Variants in RIC8A observed in about 807,000 individuals in gnomAD.
RIC8A encodes the protein chaperone Ric-8A.
A neutral mutation model predicts 48.4 loss-of-function variants in RIC8A; 37 were observed. The observed-to-expected ratio is 0.77, with a 90% CI of 0.59 to 1.01. The LOEUF (loss-of-function observed/expected upper bound fraction) is 1.01. RIC8A is among the 50% of genes least tolerant of loss of function. RIC8A has a pLI of 0.00. For missense variants in RIC8A, 681 were observed against 696.8 expected, an observed-to-expected ratio of 0.98 and a Z score of 0.25; for synonymous variants, 288 against 283.4, an observed-to-expected ratio of 1.02 and a Z score of -0.16.
Position 209,905 on chromosome 11 carries a change from A to G in RIC8A, c.631A>G (p.Thr211Ala), listed in dbSNP as rs1193655551. Residue 211 changes from threonine (T) to alanine (A), a missense_variant, in exon 3 of 10, where the codon ACG becomes GCG. By Grantham distance (58) the Thr-to-Ala change is moderately conservative. Transcript: ENST00000526104. ...GVTPEGNPPP[T>A]LLPSQETERA... ...GACTCCTGAAGGGAACCCCCCACCC[A>G]CGCTCCTTCCTTCCCAAGAGACTGA... The G allele has an allele frequency of 6.2e-7, 1 of 1,608,668 alleles. No individual in the cohort carries two copies. The highest frequency in any genetic ancestry group is 1.3e-5 in the African/African-American group (1 of 74,894).
intron 5 of RIC8A, chr11:212,190 A>G (rs1217168561): frequency 1.3e-5 from 7 of 554,988 alleles, no homozygotes; most frequent in African/African-American, 1.1e-4. Flanking sequence ...GCTTACGAGT[A>G]CCTCTGAGTT....
chr11:210,368 G>A, intron 3 of RIC8A: 1 of 707,890 alleles, frequency 1.4e-6, no homozygotes, highest in Non-Finnish European at 2.6e-6. Context: ...TACTCATGGA[G>A]TTTTTAGGAA....
Position 212,612 on chromosome 11 carries a change from C to T in RIC8A, c.1066-3C>T, listed in dbSNP as rs138523328. 1.9e-5 allele frequency: 30 copies of T among 1,613,952 alleles called. No individual in the cohort carries two copies. Among genetic ancestry groups the T allele is most frequent in the Non-Finnish European group, 2.5e-5 (29 of 1,179,944 alleles). ...CCAAGCTTAGGGATGGCCACCTCCC[C>T]AGGTGCTGCCCCCTCTGCGGGATGT... On this transcript the variant is annotated splice_region_variant and splice_polypyrimidine_tract_variant and intron_variant, in intron 6 of 9. Coordinates refer to ENST00000526104, the MANE Select transcript of RIC8A (RefSeq NM_001286134.2).
chr11:211,159 G>A lies in RIC8A; in HGVS notation c.819-40G>A. On this transcript the variant is annotated intron_variant, in intron 4 of 9. Coordinates refer to ENST00000526104, the MANE Select transcript of RIC8A (RefSeq NM_001286134.2). The surrounding 1 kb of genome is among the most constrained non-coding windows in gnomAD (Gnocchi z 4.0). ...CACAAAGATTGCACCTGTGCTCAGG[G>A]ATTAGCCCTGTTGAAACCCCTACCT... 6.3e-7 allele frequency: 1 copy of A among 1,590,662 alleles called. No homozygotes were observed. The highest frequency in any genetic ancestry group is 8.6e-7 in the Non-Finnish European group (1 of 1,167,214).
intron 9 of RIC8A, 174 bp downstream of exon 9, chr11:213,592 A>T (rs1349172259): frequency 1.3e-6 from 1 of 773,248 alleles, no homozygotes; most frequent in Non-Finnish European, 2.0e-6. Flanking sequence ...GGGGATGGGT[A>T]TATTGAGATC....
At chr11:209,060 G>C (rs1237013664) in intron 1 of RIC8A, 122 bp downstream of exon 1, 1 of 1,068,710 alleles carries the variant, frequency 9.4e-7, no homozygotes, top group Non-Finnish European at 1.4e-6. Context: ...GACGCGGCGG[G>C]GTGCGGGGGG....
intron 9 of RIC8A, 81 bp downstream of exon 9, chr11:213,499 T>C (rs976917653): frequency 1.5e-5 from 23 of 1,534,240 alleles, no homozygotes; most frequent in Admixed American, 2.0e-5. Context: ...CCCCAGGAGG[T>C]AGGATCAGAG....
chr11:211,046 A>T lies in RIC8A; in HGVS notation c.819-153A>T. 2.6e-6 allele frequency: 2 copies of T among 763,876 alleles called. No homozygotes were observed. The highest frequency in any genetic ancestry group is 4.2e-6 in the Non-Finnish European group (2 of 473,848). 47.3% of individuals were successfully genotyped at this position (763,876 alleles called of 1,614,324 possible). A position where few individuals can be genotyped will look rare whatever the true frequency, so the allele number is the denominator to read the frequency against. The stretch of plus-strand genomic sequence containing the variant: ...GTACAGCTGAGTGGCAGTGCCTCTC[A>T]GATCAGTCCCTGCCCTTGGCTTTGG... On this transcript the variant is annotated intron_variant, in intron 4 of 9. Transcript: ENST00000526104. This position sits in a 1 kb window ranked among gnomAD's most constrained non-coding sequence, Gnocchi z 4.0.
In RIC8A at chr11:208,885, G is replaced by C. The variant is rs767406555; in HGVS notation, c.31G>C (p.Glu11Gln). Residue 11 changes from glutamate (E) to glutamine (Q), a missense_variant, in exon 1 of 10, where the codon GAG becomes CAG. Physicochemically the swap from Glu to Gln is conservative, Grantham distance 29 (BLOSUM62 2). Transcript: ENST00000526104. The surrounding 1 kb of genome is among the most constrained non-coding windows in gnomAD (Gnocchi z 4.8). ...GCCCCGGGCGGTTGCAGAAGCCGTG[G>C]AGACGGGTGAGGAGGATGTGATTAT... MEPRAVAEAV[E>Q]TGEEDVIMEA... The C allele has an allele frequency of 6.2e-7, 1 of 1,611,056 alleles. No homozygotes were observed. The highest frequency in any genetic ancestry group is 8.5e-7 in the Non-Finnish European group (1 of 1,179,238).
At chr11:210,517 G>C in intron 3 of RIC8A, 54 bp from the exon 4 acceptor site, 1 of 1,496,578 alleles carries the variant, frequency 6.7e-7, no homozygotes, top group Non-Finnish European at 9.3e-7. Context: ...AGCCTCAGCA[G>C]GCAGCAGTGG....
rs368338795 is a variant in RIC8A at position 209,617 on chromosome 11, C to T, written c.343C>T (p.Leu115=). 2,876 of 1,614,058 alleles carry T rather than the reference C, an allele frequency of 1.8e-3. 74 individuals carry two copies. In the South Asian group the frequency reaches 0.03, roughly 17 times the overall value. The stretch of plus-strand genomic sequence containing the variant: ...AGAGTCCGCAGACATGGATGTTGTA[C>T]TGGAGTCCCTCAAGTGCCTGTGCAA... ...VPESADMDVV[L]ESLKCLCNLV... The change falls in exon 3 of 10, where the codon CTG becomes TTG. Residue 115 remains leucine, a synonymous_variant. Transcript: ENST00000526104.
At position 209,826 on chromosome 11, in the gene RIC8A, G is replaced by A; in HGVS notation, c.552G>A (p.Gln184=). ...CCGATGTGCGCCAGCAGCTGTTTCA[G>A]GAGCTGAAAGGAGTGCGCCTGCTAA... is the stretch of plus-strand genomic sequence containing the variant. ...LRTDVRQQLF[Q]ELKGVRLLTD... is the part of the protein sequence containing the mutation. Residue 184 remains glutamine, a synonymous_variant, in exon 3 of 10, where the codon CAG becomes CAA. Transcript: ENST00000526104. The A allele has an allele frequency of 3.7e-6, 6 of 1,613,984 alleles. No individual in the cohort carries two copies. In the South Asian group the frequency reaches 6.6e-5, roughly 18 times the overall value.
rs1477159656 is a variant in RIC8A at position 208,449 on chromosome 11, C to T, written c.-406C>T. ...GCCTAACGAACCCAATGGCCCAGGA[C>T]TGAAAATTCCTTTCCACTTCGGCTT... On this transcript the variant is annotated 5_prime_UTR_variant, in exon 1 of 10. Transcript: ENST00000526104. This position sits in a 1 kb window ranked among gnomAD's most constrained non-coding sequence, Gnocchi z 4.8. 2.6e-4 allele frequency: 44 copies of T among 170,474 alleles called. No homozygotes were observed. The highest frequency in any genetic ancestry group is 1.5e-4 in the Non-Finnish European group (12 of 80,576). The allele number at this position is 170,474 out of a possible 1,614,324, so 10.6% of individuals were successfully genotyped here. A position where few individuals can be genotyped will look rare whatever the true frequency, so the allele number is the denominator to read the frequency against.
rs1460130848 is a variant in RIC8A, at chr11:214,600, T to C, written c.*250T>C. On this transcript the variant is annotated 3_prime_UTR_variant, in exon 10 of 10. Transcript: ENST00000526104. ...CTCGAATTCCACAGACGAAGTACTTTCTTTTGTCTGCGCCAAGAGGAATGT... is the reference window on the plus strand; with the variant it reads ...CTCGAATTCCACAGACGAAGTACTTCCTTTTGTCTGCGCCAAGAGGAATGT... 5 of 568,484 alleles carry C rather than the reference T, an allele frequency of 8.8e-6. No individual in the cohort carries two copies. Among genetic ancestry groups the C allele is most frequent in the East Asian group, 6.5e-5 (2 of 30,844 alleles). 35.2% of individuals were successfully genotyped at this position (568,484 alleles called of 1,614,324 possible).
In RIC8A at chr11:212,426, T is replaced by A; in HGVS notation, c.980T>A (p.Leu327Gln). The A allele has an allele frequency of 1.2e-6, 2 of 1,613,796 alleles. No individual in the cohort carries two copies. Among genetic ancestry groups the A allele is most frequent in the Non-Finnish European group, 1.7e-6 (2 of 1,179,932 alleles). Residue 327 changes from leucine (L) to glutamine (Q), a missense_variant, in exon 6 of 10, where the codon CTG (leucine) becomes CAG (glutamine). Transcript: ENST00000526104. ...GAGAATCCTCTACAGACACACAGGC[T>A]GAAGGAGAGTGTAGCTCCCGTGCTG... ...LEKRLHKTHR[L>Q]KESVAPVLSV...
At chr11:214,121 A>G in intron 9 of RIC8A, 109 bp from the exon 10 acceptor site, 1 of 1,320,112 alleles carries the variant, frequency 7.6e-7, no homozygotes, top group Non-Finnish European at 1.0e-6. Context: ...TCCCCAGTAA[A>G]TGGGAGCAGC....
intron 8 of RIC8A, 99 bp from the exon 9 acceptor site, chr11:213,200 T>G: frequency 6.5e-7 from 1 of 1,539,556 alleles, no homozygotes; most frequent in Non-Finnish European, 8.8e-7. Context: ...CTTCCTGCAG[T>G]TGCCTTGCCC....
At chr11:212,186 G>A (rs1242592400) in intron 5 of RIC8A, 9 of 546,146 alleles carry the variant, frequency 1.6e-5, no homozygotes, top group Admixed American at 6.3e-5. Flanking sequence ...CAAAGCTTAC[G>A]AGTACCTCTG....
intron 4 of RIC8A, chr11:210,877 G>A (rs1339814513): frequency 1.6e-6 from 1 of 609,704 alleles, no homozygotes. Flanking sequence ...GTACTTACTA[G>A]GGCACATTGG....
Sources: allele counts gnomAD v4.1 joint callset, GRCh38; gene constraint gnomAD v4.1.1; non-coding constraint Gnocchi (gnomAD v3.1); transcripts MANE v1.5; gene names NCBI Gene and HGNC (gene_info 2026-07-23, HGNC 2026-07-21).